KCNT1: variants seen among roughly 807,000 people sequenced by gnomAD.
KCNT1 encodes the protein potassium channel subfamily T member 1.
Under a neutral mutation model 147.8 loss-of-function variants are expected in KCNT1, and 78 were observed. The observed-to-expected ratio is 0.53, with a 90% confidence interval of 0.44 to 0.64. The LOEUF (loss-of-function observed/expected upper bound fraction) is 0.64. Ranked by LOEUF, KCNT1 falls within the 30% of genes least tolerant of loss-of-function variation. KCNT1 has a pLI of 0.00. For missense variants in KCNT1, 1,419 were observed against 1,750.3 expected, an observed-to-expected ratio of 0.81 and a Z score of 3.38; for synonymous variants, 867 against 748.8, an observed-to-expected ratio of 1.16 and a Z score of -2.58.
intron 11 of KCNT1, among the ~76,000 whole-genome samples, chr9:135,761,352 T>C (rs1831900054): frequency 6.6e-6 from 1 of 151,872 alleles, no homozygotes; most frequent in Non-Finnish European, 1.5e-5. Context: ...TGACGCCTGC[T>C]CCCCCACACC....
Position 135,770,911 on chromosome 9 carries a change from G to T in KCNT1, c.1824G>T (p.Leu608=), listed in dbSNP as rs764141661. Residue 608 remains leucine, a synonymous_variant, in exon 18 of 31, where the codon CTG becomes CTT. Transcript: ENST00000371757. ...GGGAGGACAACAAGAGCATCCTGCT[G>T]AACCCGGGGCCCCGGCACATCCTGG... ...LKREDNKSIL[L]NPGPRHILAA... is the part of the protein sequence containing the mutation. The T allele has an allele frequency of 6.2e-7, 1 of 1,608,500 alleles. No individual in the cohort carries two copies. Among genetic ancestry groups the T allele is most frequent in the South Asian group, 1.1e-5 (1 of 90,056 alleles).
In KCNT1 at chr9:135,792,147, G is replaced by A. The variant is rs138109494; in HGVS notation, c.3694G>A (p.Glu1232Lys). 7.6e-5 allele frequency: 122 copies of A among 1,605,734 alleles called. 1 individual carries two copies. The African/African-American group carries it at 7.6e-4, about 10-fold the overall frequency. Residue 1232 changes from glutamate to lysine, a missense_variant, in exon 31 of 31, where the codon GAG (glutamate) becomes AAG (lysine). Coordinates refer to ENST00000371757, the MANE Select transcript of KCNT1 (RefSeq NM_020822.3). ...LSSCNPETRD[E>K]TQL ...GTCCTGCAACCCCGAGACTCGCGAC[G>A]AGACACAGCTCTGAGCCAGCCCTGC...
chr9:135,724,691 G>A (rs1171990938), intron 2 of KCNT1, among the ~76,000 whole-genome samples: 3 of 152,256 alleles, frequency 2.0e-5, no homozygotes, highest in Non-Finnish European at 2.9e-5. Flanking sequence ...TTATACTTAA[G>A]ACAATTATTT....
intron 2 of KCNT1, among the ~76,000 whole-genome samples, chr9:135,720,354 C>T (rs1362731150): frequency 3.3e-5 from 5 of 151,408 alleles, no homozygotes. Flanking sequence ...GAGCCCTCAT[C>T]TGTCATCCTT....
intron 15 of KCNT1, among the ~76,000 whole-genome samples, chr9:135,769,198 T>A (rs1428317396): frequency 7.5e-6 from 1 of 133,734 alleles, no homozygotes; most frequent in Non-Finnish European, 1.6e-5. Flanking sequence ...CACACGTGGG[T>A]GACAGTGCAT....
intron 2 of KCNT1, among the ~76,000 whole-genome samples, chr9:135,738,642 G>A (rs1275396368): frequency 6.6e-6 from 1 of 152,174 alleles, no homozygotes; most frequent in African/African-American, 2.4e-5. Flanking sequence ...CAGAGGAGAG[G>A]TCTCCACTGC....
At chr9:135,767,426 G>A (rs1028981449) in intron 13 of KCNT1, among the ~76,000 whole-genome samples, 6 of 151,498 alleles carry the variant, frequency 4.0e-5, no homozygotes, top group African/African-American at 7.3e-5. Context: ...CTTAGACAGC[G>A]TCTCAGCAGT....
chr9:135,702,468 C>T, intron 1 of KCNT1, 100 bp downstream of exon 1: 6 of 990,748 alleles, frequency 6.1e-6, no homozygotes, highest in Non-Finnish European at 9.4e-6. Flanking sequence ...ACCCGCCATT[C>T]CCAGGGCCAT....
chr9:135,748,057 TC>T (rs1236448965), intron 2 of KCNT1, among the ~76,000 whole-genome samples: 4 of 152,182 alleles, frequency 2.6e-5, no homozygotes, highest in Admixed American at 1.3e-4. Flanking sequence ...TTCTCCTGCC[TC>T]AGCCTCCCCA....
At chr9:135,756,134 A>G (rs190082450) in intron 6 of KCNT1, among the ~76,000 whole-genome samples, 1 of 151,196 alleles carries the variant, frequency 6.6e-6, no homozygotes, top group East Asian at 2.0e-4. Context: ...CAGGCTCAGT[A>G]AGTAGGGAAC....
At chr9:135,720,887 G>T (rs1835898176) in intron 2 of KCNT1, among the ~76,000 whole-genome samples, 2 of 152,250 alleles carry the variant, frequency 1.3e-5, no homozygotes, top group South Asian at 4.1e-4. Flanking sequence ...TAGGGCCCCA[G>T]GTCCCCATGT....
chr9:135,782,424 ATC>A (rs1031110621), intron 24 of KCNT1, among the ~76,000 whole-genome samples: 7 of 152,076 alleles, frequency 4.6e-5, no homozygotes, highest in East Asian at 1.9e-4. Flanking sequence ...AGCCTGTGTG[ATC>A]TCTCCTCCTC....
chr9:135,737,682 T>C (rs1242471799), intron 2 of KCNT1, among the ~76,000 whole-genome samples: 1 of 151,964 alleles, frequency 6.6e-6, no homozygotes, highest in Non-Finnish European at 1.5e-5. Context: ...TCATCAGGGC[T>C]GGGGGGCAGG....
rs1270504623 is a variant in KCNT1, at chr9:135,793,814, C to T, written c.*1653C>T. The T allele has an allele frequency of 6.6e-6, 1 of 152,500 alleles. No homozygotes were observed. The highest frequency in any genetic ancestry group is 1.5e-5 in the Non-Finnish European group (1 of 68,294). The allele number at this position is 152,500 out of a possible 1,614,324, so 9.4% of individuals were successfully genotyped here. ...GAGAGGCTGTGTGGATTCAGGGGACCAGAAAGTAAGTCCCAGGACCTTGAT... is the reference window on the plus strand; with the variant it reads ...GAGAGGCTGTGTGGATTCAGGGGACTAGAAAGTAAGTCCCAGGACCTTGAT... On this transcript the variant is annotated 3_prime_UTR_variant, in exon 31 of 31. Transcript: ENST00000371757.
chr9:135,707,219 A>G (rs1333738483), intron 1 of KCNT1, among the ~76,000 whole-genome samples: 1 of 151,816 alleles, frequency 6.6e-6, no homozygotes, highest in Non-Finnish European at 1.5e-5. Context: ...CAGCCCAGGG[A>G]CCTGGCACAG....
At chr9:135,726,667 C>T (rs1836155434) in intron 2 of KCNT1, among the ~76,000 whole-genome samples, 1 of 151,774 alleles carries the variant, frequency 6.6e-6, no homozygotes, top group South Asian at 2.1e-4. Flanking sequence ...CTCCCTCCCT[C>T]TATCTCTCCT....
chr9:135,737,601 G>A (rs1368786984), intron 2 of KCNT1, among the ~76,000 whole-genome samples: 5 of 152,208 alleles, frequency 3.3e-5, no homozygotes, highest in African/African-American at 1.2e-4. Context: ...TGGGGTGCTG[G>A]TCCTTCCGGG....
At chr9:135,788,428 T>C (rs1454252298) in intron 29 of KCNT1, among the ~76,000 whole-genome samples, 1 of 152,250 alleles carries the variant, frequency 6.6e-6, no homozygotes, top group East Asian at 1.9e-4. Context: ...GAGTGGCGAC[T>C]GCCCAGCTCT....
chr9:135,717,774 A>T (rs903614977), intron 2 of KCNT1, among the ~76,000 whole-genome samples: 1 of 152,220 alleles, frequency 6.6e-6, no homozygotes, highest in African/African-American at 2.4e-5. Context: ...CCTTGGTCTC[A>T]GCAGCAGCCT....
Sources: allele counts gnomAD v4.1 joint callset (sites outside exome capture counted in the v4.1 genomes callset), GRCh38; gene constraint gnomAD v4.1.1; transcripts MANE v1.5; gene names NCBI Gene and HGNC (gene_info 2026-07-23, HGNC 2026-07-21).